The following RIMBP2 variants were observed in gnomAD, a reference collection of about 807,000 sequenced individuals.
RIMBP2 encodes the protein RIMS-binding protein 2.
Under a neutral mutation model 118.6 loss-of-function variants are expected in RIMBP2, and 48 were observed. That is an observed-to-expected ratio of 0.40 (90% CI 0.32 to 0.51). RIMBP2 has a LOEUF of 0.51. RIMBP2 is among the 20% of genes least tolerant of loss of function. RIMBP2 has a pLI of 0.41. For synonymous variants in RIMBP2, 762 were observed against 742.9 expected (o/e 1.03, Z -0.42); for missense variants, 1,551 against 1,768.3 (o/e 0.88, Z 2.20).
chr12:130,609,358 A>G (rs1440896056), intron 2 of RIMBP2, among the ~76,000 whole-genome samples: 2 of 152,166 alleles, frequency 1.3e-5, no homozygotes, highest in Admixed American at 1.3e-4. Context: ...AATGCTGTTC[A>G]GCCATTTTAA....
At chr12:130,715,304 G>A (rs1177380206) in intron 1 of RIMBP2, among the ~76,000 whole-genome samples, 1 of 152,024 alleles carries the variant, frequency 6.6e-6, no homozygotes, top group Non-Finnish European at 1.5e-5. Flanking sequence ...CAGCACCCCC[G>A]CCTCCCCCGG....
At chr12:130,545,778 A>G (rs1304134503) in intron 2 of RIMBP2, among the ~76,000 whole-genome samples, 1 of 152,238 alleles carries the variant, frequency 6.6e-6, no homozygotes, top group African/African-American at 2.4e-5. Context: ...TCCGCCAGCC[A>G]TCACTGCTGC....
intron 2 of RIMBP2, among the ~76,000 whole-genome samples, chr12:130,626,428 C>T (rs1211522767): frequency 1.4e-5 from 2 of 145,408 alleles, no homozygotes; most frequent in African/African-American, 5.6e-5. Context: ...TCCTCCATCA[C>T]CATGACTACC....
intron 1 of RIMBP2, among the ~76,000 whole-genome samples, chr12:130,663,256 C>G (rs1022219370): frequency 1.3e-5 from 2 of 152,144 alleles, no homozygotes; most frequent in African/African-American, 4.8e-5. Flanking sequence ...TTGCTGTCAA[C>G]CATCCTAAAG....
intron 19 of RIMBP2, among the ~76,000 whole-genome samples, chr12:130,410,455 G>A (rs1364598536): frequency 6.6e-6 from 1 of 152,042 alleles, no homozygotes; most frequent in Non-Finnish European, 1.5e-5. Context: ...TTATTATAAA[G>A]TTTTCTCCTG....
intron 2 of RIMBP2, among the ~76,000 whole-genome samples, chr12:130,613,513 T>C (rs2060692943): frequency 6.6e-6 from 1 of 152,234 alleles, no homozygotes; most frequent in East Asian, 1.9e-4. Flanking sequence ...CTTCTTCCTT[T>C]CTTCGGTAAA....
intron 17 of RIMBP2, among the ~76,000 whole-genome samples, chr12:130,416,238 T>C (rs1448083708): frequency 2.0e-5 from 3 of 152,184 alleles, no homozygotes; most frequent in African/African-American, 7.2e-5. Context: ...AAAATTCATA[T>C]GGAACCAAAA....
chr12:130,478,383 C>T (rs371825835), intron 5 of RIMBP2, among the ~76,000 whole-genome samples: 7 of 152,216 alleles, frequency 4.6e-5, no homozygotes, highest in South Asian at 2.1e-4. Context: ...TGACATCACA[C>T]GGCGCCTGGT....
intron 2 of RIMBP2, among the ~76,000 whole-genome samples, chr12:130,521,337 T>G (rs1236345962): frequency 1.3e-5 from 2 of 152,142 alleles, no homozygotes; most frequent in Non-Finnish European, 2.9e-5. Context: ...AATGTGGGCC[T>G]GGAATCGCAA....
intron 1 of RIMBP2, among the ~76,000 whole-genome samples, chr12:130,671,635 A>G (rs558637529): frequency 1.3e-5 from 2 of 152,270 alleles, no homozygotes; most frequent in South Asian, 4.1e-4. Flanking sequence ...TCTGTTGCAC[A>G]GGGCTTTCCT....
intron 2 of RIMBP2, among the ~76,000 whole-genome samples, chr12:130,543,455 C>T (rs998794404): frequency 6.6e-6 from 1 of 152,086 alleles, no homozygotes; most frequent in South Asian, 2.1e-4. Flanking sequence ...CTAGCCCATA[C>T]CAACCGTATT....
At chr12:130,633,695 C>T (rs891803078) in intron 1 of RIMBP2, 2 of 152,228 alleles carry the variant, frequency 1.3e-5, no homozygotes, top group African/African-American at 4.8e-5. Context: ...AGAAAACAAC[C>T]CTTGCTCTAC....
chr12:130,670,345 G>C lies in RIMBP2; in HGVS notation c.-351-41889C>G, dbSNP rs528255246. On this transcript the variant is annotated intron_variant, in intron 1 of 22. Transcript: ENST00000690449. The surrounding 1 kb of genome is among the most constrained non-coding windows in gnomAD (Gnocchi z 4.9). Reference sequence around the variant, plus strand: ...ACGTTCTAGGAAGGCATGGAGAAGCGGATCTTCCCGGCAGCCACCAGCGTG... The same window carrying C: ...ACGTTCTAGGAAGGCATGGAGAAGCCGATCTTCCCGGCAGCCACCAGCGTG... 5.9e-5 allele frequency among the ~76,000 whole-genome samples: 9 copies of C among 152,154 alleles called. No homozygotes were observed. Among genetic ancestry groups the C allele is most frequent in the African/African-American group, 2.2e-4 (9 of 41,430 alleles).
intron 1 of RIMBP2, among the ~76,000 whole-genome samples, chr12:130,674,594 G>A (rs1487603): frequency 0.86 from 131,546 of 152,190 alleles, 57,262 homozygotes; most frequent in Non-Finnish European, 0.92. Flanking sequence ...TACCCCTCAC[G>A]TGGGTTATTT....
chr12:130,438,591 A>G, intron 11 of RIMBP2, 75 bp from the exon 12 acceptor site: 1 of 1,339,424 alleles, frequency 7.5e-7, no homozygotes, highest in Non-Finnish European at 1.0e-6. Flanking sequence ...GGCTCTGCCC[A>G]TCTCACCTGG....
chr12:130,571,876 T>A (rs920511377), intron 2 of RIMBP2, among the ~76,000 whole-genome samples: 2 of 152,076 alleles, frequency 1.3e-5, no homozygotes, highest in African/African-American at 2.4e-5. Flanking sequence ...GGAGCCCACC[T>A]CGGGGCTGTA....
Position 130,469,130 on chromosome 12 carries a change from A to G in RIMBP2, c.153+1563T>C, listed in dbSNP as rs2080781294. 1 of 152,670 alleles carries G rather than the reference A, an allele frequency of 6.6e-6. No individual in the cohort carries two copies. The allele number at this position is 152,670 out of a possible 1,614,324, so 9.5% of individuals were successfully genotyped here. A position where few individuals can be genotyped will look rare whatever the true frequency, so the allele number is the denominator to read the frequency against. ...TCGCCAAGCACGCCGGGCAGGGAAGATGCTATTCTCTAGAATACCTGCATG... is the reference window on the plus strand; with the variant it reads ...TCGCCAAGCACGCCGGGCAGGGAAGGTGCTATTCTCTAGAATACCTGCATG... On this transcript the variant is annotated intron_variant, in intron 6 of 22. Transcript: ENST00000690449. This position sits in a 1 kb window ranked among gnomAD's most constrained non-coding sequence, Gnocchi z 4.8.
At chr12:130,555,179 C>T (rs1314665224) in intron 2 of RIMBP2, among the ~76,000 whole-genome samples, 1 of 152,186 alleles carries the variant, frequency 6.6e-6, no homozygotes, top group Non-Finnish European at 1.5e-5. Flanking sequence ...TAACTACTAT[C>T]CTGTATCAGC....
intron 2 of RIMBP2, among the ~76,000 whole-genome samples, chr12:130,568,476 A>C (rs1195719127): frequency 6.6e-6 from 1 of 152,266 alleles, no homozygotes; most frequent in Non-Finnish European, 1.5e-5. Context: ...CCAGTCCCAG[A>C]GAGCCGTGAG....
Sources: gnomAD v4.1 joint callset for allele counts (sites outside exome capture counted in the v4.1 genomes callset) on GRCh38, gnomAD v4.1.1 for gene constraint, Gnocchi (gnomAD v3.1) non-coding constraint, MANE v1.5 for transcripts, NCBI Gene and HGNC (gene_info 2026-07-23, HGNC 2026-07-21) for gene names.